TAF1B: variants seen among roughly 807,000 people sequenced by gnomAD.
TAF1B encodes the protein TATA-box binding protein associated factor, RNA polymerase I subunit B, also known as TATA box-binding protein-associated factor RNA polymerase I subunit B.
In TAF1B, 61 loss-of-function variants were observed where a neutral mutation model predicts 83.9. The observed-to-expected ratio is 0.73, with a 90% CI of 0.59 to 0.90. The LOEUF (loss-of-function observed/expected upper bound fraction) is 0.90, where lower values mean the gene tolerates loss of function less well. Ranked by LOEUF, TAF1B falls within the 40% of genes least tolerant of loss-of-function variation. The pLI is 0.00. For synonymous variants in TAF1B, 221 were observed against 224.6 expected (o/e 0.98, Z 0.14); for missense variants, 625 against 677.0 (o/e 0.92, Z 0.85).
chr2:9,896,435 A>G (rs1665020415), intron 8 of TAF1B, among the ~76,000 whole-genome samples: 1 of 152,130 alleles, frequency 6.6e-6, no homozygotes, highest in Admixed American at 6.6e-5. Flanking sequence ...TTTCTCCGCT[A>G]AGTCTTGGCT....
At chr2:9,870,468 C>T (rs62127135) in intron 6 of TAF1B, among the ~76,000 whole-genome samples, 1,716 of 152,270 alleles carry the variant, frequency 0.011, 11 homozygotes, top group Non-Finnish European at 0.018. Flanking sequence ...GCCCGGCCGA[C>T]GGAGCAAAAC....
chr2:9,911,439 A>G, intron 10 of TAF1B, 72 bp from the exon 11 acceptor site: 2 of 1,221,108 alleles, frequency 1.6e-6, no homozygotes, highest in Middle Eastern at 1.9e-4. Flanking sequence ...CTTTTCTCTC[A>G]GAAGAATTCA....
chr2:9,851,311 G>C (rs191800808), intron 3 of TAF1B, among the ~76,000 whole-genome samples: 1 of 151,936 alleles, frequency 6.6e-6, no homozygotes, highest in African/African-American at 2.4e-5. Flanking sequence ...AAAATATTTA[G>C]TTTCAGCATT....
At chr2:9,879,511 A>G (rs1052656079) in intron 7 of TAF1B, among the ~76,000 whole-genome samples, 1 of 152,228 alleles carries the variant, frequency 6.6e-6, no homozygotes, top group Non-Finnish European at 1.5e-5. Flanking sequence ...TGTCCATTGT[A>G]TATTTTCAGA....
intron 7 of TAF1B, among the ~76,000 whole-genome samples, chr2:9,881,494 G>C (rs1664506805): frequency 6.6e-6 from 1 of 152,046 alleles, no homozygotes; most frequent in South Asian, 2.1e-4. Context: ...ATAGGTATAA[G>C]TATATATTTG....
At chr2:9,894,822 A>G (rs1469911928) in intron 8 of TAF1B, among the ~76,000 whole-genome samples, 1 of 152,180 alleles carries the variant, frequency 6.6e-6, no homozygotes, top group Non-Finnish European at 1.5e-5. Context: ...GACCCTTCCA[A>G]AATCAAATAG....
chr2:9,873,469 C>T (rs974673093), intron 6 of TAF1B, among the ~76,000 whole-genome samples: 9 of 152,156 alleles, frequency 5.9e-5, no homozygotes, highest in African/African-American at 2.2e-4. Context: ...CAACTATATG[C>T]TGAAACTAAA....
chr2:9,931,546 C>G (rs1435120000), intron 14 of TAF1B, among the ~76,000 whole-genome samples: 3 of 152,204 alleles, frequency 2.0e-5, no homozygotes, highest in Non-Finnish European at 4.4e-5. Flanking sequence ...AGCTGTTAGT[C>G]TGATGGGCTT....
intron 5 of TAF1B, among the ~76,000 whole-genome samples, chr2:9,858,700 G>A (rs114197400): frequency 0.052 from 7,974 of 152,280 alleles, 280 homozygotes; most frequent in Non-Finnish European, 0.082. Context: ...CAGGCCCATC[G>A]CCACGTGGAA....
At chr2:9,863,360 A>AT (rs767161569) in intron 5 of TAF1B, among the ~76,000 whole-genome samples, 177 of 152,384 alleles carry the variant, frequency 1.2e-3, no homozygotes, top group Non-Finnish European at 2.4e-3. Flanking sequence ...TGGCCATTAC[A>AT]TAATGGTAAA....
intron 5 of TAF1B, among the ~76,000 whole-genome samples, chr2:9,856,855 A>G (rs1357916938): frequency 6.6e-6 from 1 of 152,178 alleles, no homozygotes. Flanking sequence ...GTACAGCTAT[A>G]CTCTATTTTG....
At chr2:9,916,251 C>T (rs750989505) in intron 12 of TAF1B, among the ~76,000 whole-genome samples, 6 of 152,154 alleles carry the variant, frequency 3.9e-5, no homozygotes, top group Non-Finnish European at 7.3e-5. Context: ...CATATGCAGA[C>T]AGACAAGAGA....
chr2:9,859,427 C>T lies in TAF1B; in HGVS notation c.399+5006C>T, dbSNP rs551952000. 3.5e-5 allele frequency among the ~76,000 whole-genome samples: 5 copies of T among 141,754 alleles called. No homozygotes were observed. In the South Asian group the frequency reaches 6.7e-4, roughly 19 times the overall value. The allele number at this position is 141,754 out of a possible 152,430, so 93.0% of individuals were successfully genotyped here. ...TTTGAGATAGAGTGTTGCTTTGTTG[C>T]GCAGGCTGGAGTGCAGTGGCACCAT... On this transcript the variant is annotated intron_variant, in intron 5 of 14. Coordinates refer to ENST00000263663, the MANE Select transcript of TAF1B (RefSeq NM_005680.3).
chr2:9,920,745 G>A (rs2125179872), intron 14 of TAF1B, among the ~76,000 whole-genome samples: 1 of 152,258 alleles, frequency 6.6e-6, no homozygotes, highest in Middle Eastern at 3.4e-3. Context: ...ATTCAACTTT[G>A]TCCCCTTGAT....
intron 8 of TAF1B, among the ~76,000 whole-genome samples, chr2:9,891,790 A>C (rs903681305): frequency 6.6e-6 from 1 of 152,222 alleles, no homozygotes; most frequent in East Asian, 1.9e-4. Context: ...ATAGAAAAAA[A>C]CATTATGGAA....
intron 8 of TAF1B, among the ~76,000 whole-genome samples, chr2:9,898,192 C>T (rs1296278342): frequency 1.3e-5 from 2 of 152,116 alleles, no homozygotes; most frequent in Admixed American, 1.3e-4. Context: ...GGCTCTCAGG[C>T]TTTAGTATGC....
chr2:9,885,784 A>G (rs1273550683), intron 8 of TAF1B, among the ~76,000 whole-genome samples: 1 of 150,206 alleles, frequency 6.7e-6, no homozygotes, highest in African/African-American at 2.5e-5. Flanking sequence ...ATCTCCAGCA[A>G]TTCTCAGAGC....
intron 9 of TAF1B, among the ~76,000 whole-genome samples, chr2:9,907,722 A>G (rs1340579827): frequency 6.6e-6 from 1 of 152,050 alleles, no homozygotes; most frequent in Non-Finnish European, 1.5e-5. Context: ...TGTTTCATGT[A>G]TGTAATTTCT....
chr2:9,882,703 C>G lies in TAF1B; in HGVS notation c.708-3C>G. ...TTAAACCTTTTTCTTTTTAAAAATA[C>G]AGGTTTGTTGAAGAGGACCATATTC... On this transcript the variant is annotated splice_region_variant and splice_polypyrimidine_tract_variant and intron_variant, in intron 7 of 14. Transcript: ENST00000263663. 3.1e-6 allele frequency: 5 copies of G among 1,590,742 alleles called. No homozygotes were observed. Among genetic ancestry groups the G allele is most frequent in the Non-Finnish European group, 3.4e-6 (4 of 1,168,692 alleles).
Sources: allele counts gnomAD v4.1 joint callset (sites outside exome capture counted in the v4.1 genomes callset), GRCh38; gene constraint gnomAD v4.1.1; transcripts MANE v1.5; gene names NCBI Gene and HGNC (gene_info 2026-07-23, HGNC 2026-07-21).